The following GRIK1 variants were observed in gnomAD, a reference collection of about 807,000 sequenced individuals.
GRIK1 encodes glutamate ionotropic receptor kainate type subunit 1, also known as glutamate receptor ionotropic, kainate 1.
A neutral mutation model predicts 105.7 loss-of-function variants in GRIK1; 69 were observed. The ratio of observed to expected loss-of-function variants is 0.65; its 90% CI spans 0.54 to 0.80. GRIK1 has a LOEUF of 0.80. GRIK1 is among the 30% of genes least tolerant of loss of function. The pLI, the probability that GRIK1 is intolerant of heterozygous loss-of-function variation, is 0.00. For missense variants in GRIK1, 1,109 were observed against 1,167.3 expected (o/e 0.95, Z 0.73); for synonymous variants, 438 against 431.3 (o/e 1.02, Z -0.19).
chr21:29,641,220 G>T (rs1437020034), intron 7 of GRIK1, among the ~76,000 whole-genome samples: 1 of 152,128 alleles, frequency 6.6e-6, no homozygotes, highest in Non-Finnish European at 1.5e-5. Context: ...ATCTCGAATT[G>T]TAGCTCCCAC....
chr21:29,791,670 C>T (rs2066422839), intron 1 of GRIK1, among the ~76,000 whole-genome samples: 1 of 152,252 alleles, frequency 6.6e-6, no homozygotes, highest in African/African-American at 2.4e-5. Context: ...GGCAATTGGT[C>T]AATGATGGCT....
At chr21:29,896,113 C>T (rs1389432101) in intron 1 of GRIK1, among the ~76,000 whole-genome samples, 1 of 152,184 alleles carries the variant, frequency 6.6e-6, no homozygotes. Context: ...GAAGAAAATG[C>T]TGCTGAGTCT....
At chr21:29,882,501 T>A (rs1349830022) in intron 1 of GRIK1, among the ~76,000 whole-genome samples, 1 of 152,064 alleles carries the variant, frequency 6.6e-6, no homozygotes, top group African/African-American at 2.4e-5. Flanking sequence ...GCTCATGATG[T>A]CTCCCTCTGA....
chr21:29,574,627 T>G (rs1465709044), intron 14 of GRIK1, among the ~76,000 whole-genome samples: 1 of 151,882 alleles, frequency 6.6e-6, no homozygotes, highest in Non-Finnish European at 1.5e-5. Flanking sequence ...AACATCACTG[T>G]CCAAAGAAGA....
At chr21:29,620,802 T>TAGATAGATAGATAG (rs1555851179) in intron 7 of GRIK1, among the ~76,000 whole-genome samples, 20 of 127,414 alleles carry the variant, frequency 1.6e-4, no homozygotes, top group African/African-American at 2.0e-4. Flanking sequence ...TCTATATATA[T>TAGATAGATAGATAG]ATAGATATAT....
At chr21:29,625,247 C>A (rs1425345284) in intron 7 of GRIK1, among the ~76,000 whole-genome samples, 1 of 152,128 alleles carries the variant, frequency 6.6e-6, no homozygotes, top group Non-Finnish European at 1.5e-5. Flanking sequence ...GCCTAAAATG[C>A]AATCTTTCTC....
At chr21:29,642,405 C>T (rs2066493153) in intron 7 of GRIK1, among the ~76,000 whole-genome samples, 1 of 152,230 alleles carries the variant, frequency 6.6e-6, no homozygotes, top group African/African-American at 2.4e-5. Flanking sequence ...CCACTCAGTC[C>T]TGTACAGCCT....
At chr21:29,823,220 C>T (rs1373385342) in intron 1 of GRIK1, among the ~76,000 whole-genome samples, 2 of 151,770 alleles carry the variant, frequency 1.3e-5, no homozygotes, top group African/African-American at 4.8e-5. Flanking sequence ...TCTGTAACTA[C>T]ATAATTTTTA....
At chr21:29,759,180 C>A (rs1555884269) in intron 1 of GRIK1, among the ~76,000 whole-genome samples, 1 of 150,808 alleles carries the variant, frequency 6.6e-6, no homozygotes, top group Non-Finnish European at 1.5e-5. Context: ...TGCAGTGACA[C>A]AATCTTGGCT....
intron 7 of GRIK1, among the ~76,000 whole-genome samples, chr21:29,634,383 A>T (rs971522290): frequency 6.6e-6 from 1 of 152,242 alleles, no homozygotes; most frequent in Admixed American, 6.5e-5. Context: ...ATAAGCACTG[A>T]TATTTAGAAA....
intron 1 of GRIK1, among the ~76,000 whole-genome samples, chr21:29,793,262 T>C (rs2066473351): frequency 1.3e-5 from 2 of 152,176 alleles, no homozygotes; most frequent in South Asian, 2.1e-4. Context: ...ATATTCTTGA[T>C]AGGAACATTT....
chr21:29,582,305 T>C, intron 12 of GRIK1: 1 of 467,662 alleles, frequency 2.1e-6, no homozygotes, highest in Non-Finnish European at 4.4e-6. Context: ...TTTAAATTTG[T>C]TTTCAGAACC....
chr21:29,739,917 A>C (rs935939588), intron 1 of GRIK1, among the ~76,000 whole-genome samples: 18 of 152,132 alleles, frequency 1.2e-4, no homozygotes, highest in African/African-American at 4.3e-4. Flanking sequence ...AAGTGTTTTT[A>C]TGATTTGGAG....
intron 9 of GRIK1, among the ~76,000 whole-genome samples, chr21:29,593,271 G>T (rs1483819379): frequency 1.1e-4 from 16 of 152,036 alleles, no homozygotes; most frequent in Admixed American, 9.2e-4. Flanking sequence ...AGTGTCTATT[G>T]GGTTGTAAGC....
chr21:29,630,632 C>T, intron 7 of GRIK1: 1 of 470,632 alleles, frequency 2.1e-6, no homozygotes, highest in South Asian at 1.6e-5. Context: ...GAGACTGCAG[C>T]AGCCCCAGCC....
At chr21:29,715,621 T>G (rs1377936543) in intron 1 of GRIK1, among the ~76,000 whole-genome samples, 1 of 150,382 alleles carries the variant, frequency 6.6e-6, no homozygotes, top group Non-Finnish European at 1.5e-5. Flanking sequence ...GAACTAGACT[T>G]AGAGAGTTAG....
chr21:29,572,211 T>C (rs918104777), intron 14 of GRIK1, among the ~76,000 whole-genome samples: 3 of 152,174 alleles, frequency 2.0e-5, no homozygotes, highest in African/African-American at 7.2e-5. Flanking sequence ...CTTAAGAACC[T>C]GAGTGTACAT....
chr21:29,656,033 CT>C (rs981815087), intron 4 of GRIK1, among the ~76,000 whole-genome samples: 2 of 151,966 alleles, frequency 1.3e-5, no homozygotes, highest in African/African-American at 4.8e-5. Context: ...TATTTGGGTG[CT>C]TTTTTTATTT....
chr21:29,848,779 A>ATATATTT, intron 1 of GRIK1, among the ~76,000 whole-genome samples: 1,896 of 77,846 alleles, frequency 0.024, 47 homozygotes, highest in Non-Finnish European at 0.031. Flanking sequence ...ATATATATAT[A>ATATATTT]TTTTTTTTTT....
Sources: gnomAD v4.1 joint callset for allele counts (sites outside exome capture counted in the v4.1 genomes callset) on GRCh38, gnomAD v4.1.1 for gene constraint, MANE v1.5 for transcripts, NCBI Gene and HGNC (gene_info 2026-07-23, HGNC 2026-07-21) for gene names.